NDRG3: variants seen among roughly 807,000 people sequenced by gnomAD.
NDRG3 encodes protein NDRG3.
In NDRG3, 23 loss-of-function variants were observed where a neutral mutation model predicts 57.2. The observed-to-expected ratio is 0.40, with a 90% CI of 0.29 to 0.57. The LOEUF (loss-of-function observed/expected upper bound fraction) is 0.57. Ranked by LOEUF, NDRG3 falls within the 20% of genes least tolerant of loss-of-function variation. NDRG3 has a pLI of 0.42. For synonymous variants in NDRG3, 132 were observed against 162.6 expected (o/e 0.81, Z 1.43); for missense variants, 384 against 457.3 (o/e 0.84, Z 1.46).
At chr20:36,678,179 C>G (rs968734826) in intron 8 of NDRG3, among the ~76,000 whole-genome samples, 1 of 152,172 alleles carries the variant, frequency 6.6e-6, no homozygotes, top group Non-Finnish European at 1.5e-5. Flanking sequence ...TGGAGTGATT[C>G]ATTCATTTCA....
chr20:36,746,076 A>AGCGGCGGCG lies in NDRG3; in HGVS notation c.-81_-80insCGCCGCCGC, dbSNP rs1555809892. The AGCGGCGGCG allele has an allele frequency of 3.4e-6, 1 of 291,634 alleles. No homozygotes were observed. The highest frequency in any genetic ancestry group is 6.3e-5 in the Admixed American group (1 of 15,894). The allele number at this position is 291,634 out of a possible 1,614,324, so 18.1% of individuals were successfully genotyped here. ...CGCGGGCACCCGCCGTCAGTGCAGC[A>AGCGGCGGCG]GCAGCGGCGGCGGCGGCGGCGGCGG... On this transcript the variant is annotated 5_prime_UTR_variant, in exon 1 of 16. Coordinates refer to ENST00000349004, the MANE Select transcript of NDRG3 (RefSeq NM_032013.4).
intron 1 of NDRG3, among the ~76,000 whole-genome samples, chr20:36,730,028 C>A (rs1985180091): frequency 6.6e-6 from 1 of 151,672 alleles, no homozygotes; most frequent in Non-Finnish European, 1.5e-5. Context: ...GGGCAGATCA[C>A]CTGAGGTCAG....
At chr20:36,686,674 A>G (rs1187921635) in intron 5 of NDRG3, among the ~76,000 whole-genome samples, 1 of 152,200 alleles carries the variant, frequency 6.6e-6, no homozygotes, top group Non-Finnish European at 1.5e-5. Flanking sequence ...GAGGAAGCTG[A>G]GAGTGCCAAA....
chr20:36,744,055 C>A (rs1986062430), intron 1 of NDRG3, among the ~76,000 whole-genome samples: 1 of 151,414 alleles, frequency 6.6e-6, no homozygotes, highest in Non-Finnish European at 1.5e-5. Context: ...CGCCCACCAC[C>A]ACACGCGGCT....
At chr20:36,656,649 C>A in intron 13 of NDRG3, 117 bp from the exon 14 acceptor site, 1 of 1,112,016 alleles carries the variant, frequency 9.0e-7, no homozygotes, top group Non-Finnish European at 1.3e-6. Flanking sequence ...TGTTTAACTG[C>A]AAGTTTGCAT....
At chr20:36,655,510 T>C (rs1392303605) in intron 15 of NDRG3, among the ~76,000 whole-genome samples, 1 of 152,218 alleles carries the variant, frequency 6.6e-6, no homozygotes, top group Middle Eastern at 3.2e-3. Flanking sequence ...GGACACACCC[T>C]TGGACTTGCT....
At position 36,671,345 on chromosome 20, in the gene NDRG3, C is replaced by G. The variant is rs1373673122; in HGVS notation, c.584G>C (p.Gly195Ala). The change falls in exon 9 of 16, where the codon GGG (glycine) becomes GCG (alanine). Residue 195 changes from glycine (G) to alanine (A), a missense_variant. By Grantham distance (60) the Gly-to-Ala change is moderately conservative. Transcript: ENST00000349004. ...CTGGGTGGAACAGGTACTTACCTGC[C>G]CAAAGTGATGAGCCAAAATAATGTC... is the stretch of plus-strand genomic sequence containing the variant. ...VVDIILAHHF[G>A]QEELQANLDL... 1.2e-6 allele frequency: 2 copies of G among 1,613,340 alleles called. No homozygotes were observed. The highest frequency in any genetic ancestry group is 2.7e-5 in the African/African-American group (2 of 74,870).
At chr20:36,702,873 G>A (rs1015535765) in intron 3 of NDRG3, among the ~76,000 whole-genome samples, 2 of 151,748 alleles carry the variant, frequency 1.3e-5, no homozygotes, top group Non-Finnish European at 1.5e-5. Context: ...CAATAGAGAC[G>A]GGGTTTCTCC....
chr20:36,737,595 C>T (rs546442102), intron 1 of NDRG3, among the ~76,000 whole-genome samples: 3 of 152,208 alleles, frequency 2.0e-5, no homozygotes, highest in South Asian at 2.1e-4. Context: ...AACTGAAGCT[C>T]GGACGGGGTA....
intron 2 of NDRG3, among the ~76,000 whole-genome samples, chr20:36,716,443 G>A (rs1984282208): frequency 6.7e-6 from 1 of 148,656 alleles, no homozygotes. Flanking sequence ...TGAGGCAGAA[G>A]AATCACTTGA....
intron 1 of NDRG3, among the ~76,000 whole-genome samples, chr20:36,743,005 A>G (rs1484652932): frequency 6.6e-6 from 1 of 152,198 alleles, no homozygotes; most frequent in Admixed American, 6.5e-5. Context: ...TGATACAACC[A>G]GGGGCAATCA....
chr20:36,667,380 A>T (rs1029599876), intron 9 of NDRG3, among the ~76,000 whole-genome samples: 1 of 152,108 alleles, frequency 6.6e-6, no homozygotes, highest in South Asian at 2.1e-4. Context: ...TGGGCTCAAG[A>T]TCCTCCTGCC....
chr20:36,665,787 G>A (rs1979579000), intron 10 of NDRG3, among the ~76,000 whole-genome samples: 1 of 152,070 alleles, frequency 6.6e-6, no homozygotes, highest in Non-Finnish European at 1.5e-5. Context: ...TTGTAGAGAT[G>A]GGGTTTCACT....
intron 12 of NDRG3, among the ~76,000 whole-genome samples, chr20:36,660,673 G>A (rs1467870612): frequency 6.6e-6 from 1 of 151,522 alleles, no homozygotes; most frequent in East Asian, 1.9e-4. Flanking sequence ...CCATTCTCCT[G>A]CCTCAGCCTC....
intron 2 of NDRG3, among the ~76,000 whole-genome samples, chr20:36,710,430 T>C (rs1298568818): frequency 6.6e-6 from 1 of 152,202 alleles, no homozygotes; most frequent in Non-Finnish European, 1.5e-5. Context: ...ACAATGAGCA[T>C]GTATTTCCCT....
Position 36,706,617 on chromosome 20 carries a change from C to A in NDRG3, c.93+355G>T, listed in dbSNP as rs143253490. On this transcript the variant is annotated intron_variant, in intron 3 of 15. Transcript: ENST00000349004. ...CTCCTGAGTTCAAGTGATTCTCCTGCCTCAGCCTCCTGAGTAGCTGGCATT... is the reference window on the plus strand; with the variant it reads ...CTCCTGAGTTCAAGTGATTCTCCTGACTCAGCCTCCTGAGTAGCTGGCATT... 4.3e-3 allele frequency among the ~76,000 whole-genome samples: 662 copies of A among 152,276 alleles called. 7 individuals carry two copies. Among genetic ancestry groups the A allele is most frequent in the African/African-American group, 0.015 (629 of 41,540 alleles).
intron 8 of NDRG3, among the ~76,000 whole-genome samples, chr20:36,673,076 G>A (rs1980322717): frequency 6.6e-6 from 1 of 151,902 alleles, no homozygotes. Flanking sequence ...GTTGCCCAGG[G>A]TAGTCTTGAA....
At chr20:36,744,859 A>G (rs1447212981) in intron 1 of NDRG3, among the ~76,000 whole-genome samples, 1 of 151,350 alleles carries the variant, frequency 6.6e-6, no homozygotes, top group African/African-American at 2.4e-5. Flanking sequence ...TGCTAGCCAA[A>G]TCTGCTCTGT....
chr20:36,666,785 A>G (rs1979670123), intron 9 of NDRG3, among the ~76,000 whole-genome samples: 1 of 152,240 alleles, frequency 6.6e-6, no homozygotes, highest in Admixed American at 6.5e-5. Flanking sequence ...TTAAGTAAGA[A>G]AAGTTATATA....
Sources: allele counts gnomAD v4.1 joint callset (sites outside exome capture counted in the v4.1 genomes callset), GRCh38; gene constraint gnomAD v4.1.1; transcripts MANE v1.5; gene names NCBI Gene and HGNC (gene_info 2026-07-23, HGNC 2026-07-21).